Variants in CSMD1 observed in about 807,000 individuals in gnomAD.
The protein encoded by CSMD1 is CUB and Sushi multiple domains 1.
Under a neutral mutation model 417.5 loss-of-function variants are expected in CSMD1, and 213 were observed. The ratio of observed to expected loss-of-function variants is 0.51; its 90% CI spans 0.46 to 0.57. The LOEUF (loss-of-function observed/expected upper bound fraction) is 0.57, where lower values mean the gene tolerates loss of function less well. Among genes scored for constraint, CSMD1 ranks in the 20% least tolerant of loss-of-function variants. CSMD1 has a pLI of 0.00. For synonymous variants in CSMD1, 2,862 were observed against 1,736.8 expected, an observed-to-expected ratio of 1.65 and a Z score of -16.11; for missense variants, 6,923 against 4,529.7, an observed-to-expected ratio of 1.53 and a Z score of -15.17.
At chr8:3,832,588 A>G (rs1418022253) in intron 5 of CSMD1, among the ~76,000 whole-genome samples, 2 of 152,202 alleles carry the variant, frequency 1.3e-5, no homozygotes, top group Non-Finnish European at 2.9e-5. Context: ...AAACAAAAAC[A>G]GAAATAACAC....
intron 3 of CSMD1, among the ~76,000 whole-genome samples, chr8:4,226,543 A>C (rs1272699501): frequency 6.6e-6 from 1 of 152,218 alleles, no homozygotes; most frequent in Admixed American, 6.5e-5. Flanking sequence ...GATCCTAAAA[A>C]ATCATGGATA....
At chr8:4,639,359 G>T (rs1260556381) in intron 1 of CSMD1, among the ~76,000 whole-genome samples, 2 of 151,792 alleles carry the variant, frequency 1.3e-5, no homozygotes, top group Admixed American at 1.3e-4. Flanking sequence ...CTGAAAACGG[G>T]GCAGACAGAT....
chr8:3,886,622 C>T (rs1806581980), intron 5 of CSMD1, among the ~76,000 whole-genome samples: 1 of 152,132 alleles, frequency 6.6e-6, no homozygotes, highest in Non-Finnish European at 1.5e-5. Flanking sequence ...GGCCCATAGG[C>T]TGCAGTTTGC....
At chr8:4,508,789 A>G (rs187238626) in intron 2 of CSMD1, among the ~76,000 whole-genome samples, 3 of 152,306 alleles carry the variant, frequency 2.0e-5, no homozygotes, top group Admixed American at 6.5e-5. Flanking sequence ...ATGTCAAAAC[A>G]GCCAGTCATA....
intron 5 of CSMD1, among the ~76,000 whole-genome samples, chr8:3,931,853 T>G (rs990970381): frequency 6.8e-6 from 1 of 146,678 alleles, no homozygotes; most frequent in East Asian, 2.0e-4. Flanking sequence ...TAAGGCAGAG[T>G]TGCAAAGGGA....
intron 5 of CSMD1, among the ~76,000 whole-genome samples, chr8:3,952,932 T>A (rs545439905): frequency 6.6e-6 from 1 of 152,222 alleles, no homozygotes; most frequent in Admixed American, 6.5e-5. Context: ...TATGTCTTCA[T>A]TAATGAAAAA....
At chr8:3,252,381 T>A (rs183753061) in intron 26 of CSMD1, among the ~76,000 whole-genome samples, 2 of 152,366 alleles carry the variant, frequency 1.3e-5, no homozygotes, top group Admixed American at 1.3e-4. Context: ...TTTGCATATG[T>A]TGAACCAGCC....
chr8:4,091,267 A>G (rs949990687), intron 3 of CSMD1, among the ~76,000 whole-genome samples: 1 of 152,140 alleles, frequency 6.6e-6, no homozygotes, highest in Non-Finnish European at 1.5e-5. Flanking sequence ...AGAAAAAAAT[A>G]ATAATCTAAT....
intron 10 of CSMD1, among the ~76,000 whole-genome samples, chr8:3,517,271 G>A (rs1387153226): frequency 6.6e-6 from 1 of 152,160 alleles, no homozygotes; most frequent in Non-Finnish European, 1.5e-5. Context: ...ACAGAGTTGT[G>A]AATCACAAGA....
At chr8:4,255,315 G>A (rs543837574) in intron 3 of CSMD1, among the ~76,000 whole-genome samples, 31 of 152,278 alleles carry the variant, frequency 2.0e-4, no homozygotes, top group African/African-American at 7.2e-4. Context: ...GTGAACTCCA[G>A]GAGGGGAGCT....
chr8:4,092,623 G>A (rs974171956), intron 3 of CSMD1, among the ~76,000 whole-genome samples: 1 of 152,150 alleles, frequency 6.6e-6, no homozygotes, highest in Admixed American at 6.5e-5. Context: ...TGAGAAGAAT[G>A]ACGTGAATTA....
chr8:3,955,658 T>C (rs1232543330), intron 5 of CSMD1, among the ~76,000 whole-genome samples: 3 of 152,152 alleles, frequency 2.0e-5, no homozygotes, highest in African/African-American at 7.2e-5. Flanking sequence ...CTTTCACCGA[T>C]TCTAAAAGAG....
At chr8:3,281,313 G>C (rs1391657675) in intron 26 of CSMD1, among the ~76,000 whole-genome samples, 2 of 151,926 alleles carry the variant, frequency 1.3e-5, no homozygotes, top group Non-Finnish European at 2.9e-5. Context: ...GTGTGTTGGT[G>C]CGTGCTTGTA....
intron 3 of CSMD1, among the ~76,000 whole-genome samples, chr8:4,292,330 G>T (rs1481419413): frequency 1.3e-5 from 2 of 152,070 alleles, no homozygotes; most frequent in Non-Finnish European, 2.9e-5. Context: ...TGGGCTCACT[G>T]CAACCTCTGC....
chr8:4,382,978 G>C (rs1377406053), intron 3 of CSMD1, among the ~76,000 whole-genome samples: 3 of 152,302 alleles, frequency 2.0e-5, no homozygotes, highest in African/African-American at 4.8e-5. Context: ...AAAGAACTGA[G>C]AGGTCGCACC....
At chr8:3,611,744 G>T (rs984616471) in intron 8 of CSMD1, among the ~76,000 whole-genome samples, 1 of 151,882 alleles carries the variant, frequency 6.6e-6, no homozygotes, top group African/African-American at 2.4e-5. Context: ...TAATGTATAG[G>T]ACAATGTATA....
At chr8:3,319,863 T>C (rs1158187284) in intron 23 of CSMD1, among the ~76,000 whole-genome samples, 1 of 152,234 alleles carries the variant, frequency 6.6e-6, no homozygotes, top group Admixed American at 6.5e-5. Context: ...ATATTTATAT[T>C]TATTTGCTCT....
intron 5 of CSMD1, among the ~76,000 whole-genome samples, chr8:3,921,872 A>C (rs1167424625): frequency 6.6e-6 from 1 of 152,044 alleles, no homozygotes; most frequent in Non-Finnish European, 1.5e-5. Flanking sequence ...TGTGGTCTGG[A>C]AGGTTCTGCA....
At chr8:4,135,862 TAAG>T (rs1803398289) in intron 3 of CSMD1, among the ~76,000 whole-genome samples, 1 of 152,174 alleles carries the variant, frequency 6.6e-6, no homozygotes, top group Admixed American at 6.5e-5. Flanking sequence ...TTAAATCTAA[TAAG>T]AAAAATGTTC....
Sources: allele counts gnomAD v4.1 joint callset (sites outside exome capture counted in the v4.1 genomes callset), GRCh38; gene constraint gnomAD v4.1.1; transcripts MANE v1.5; gene names NCBI Gene and HGNC (gene_info 2026-07-23, HGNC 2026-07-21).